ZNF676: variants seen among roughly 807,000 people sequenced by gnomAD.
ZNF676 encodes the protein zinc finger protein 676.
A neutral mutation model predicts 6.0 loss-of-function variants in ZNF676; 4 were observed. That is an observed-to-expected ratio of 0.67 (90% CI 0.33 to 1.53). The LOEUF is 1.53. Among genes scored for constraint, ZNF676 ranks in the 40% most tolerant of loss-of-function variants. ZNF676 has a pLI of 0.06. For synonymous variants in ZNF676, 198 were observed against 223.1 expected (o/e 0.89, Z 1.00); for missense variants, 644 against 679.7 (o/e 0.95, Z 0.58).
At chr19:22,249,759 CG>C in the ZNF676 span, among the ~76,000 whole-genome samples, 4 of 19,576 alleles carry the variant, frequency 2.0e-4, no homozygotes, top group East Asian at 2.7e-3. Context: ...ATAAGTACAA[CG>C]GGTTTTTTTT....
At chr19:22,234,700 G>A in the ZNF676 span, among the ~76,000 whole-genome samples, 26 of 152,088 alleles carry the variant, frequency 1.7e-4, no homozygotes, top group Admixed American at 5.9e-4. Flanking sequence ...TTGGGAAGCC[G>A]AGGCAAACAG....
At chr19:22,255,088 A>T in the ZNF676 span, among the ~76,000 whole-genome samples, 5 of 152,160 alleles carry the variant, frequency 3.3e-5, no homozygotes, top group Admixed American at 1.3e-4. Flanking sequence ...GGTGAACTGG[A>T]TCTGTGTATT....
rs1489786209 is a variant in ZNF676 at position 22,179,225 on chromosome 19, T to C, written c.*725A>G. ...GATTTCTCATTCATATGATTTCTTT[T>C]ATATTCAGAAAAGTCTGAGGTGTTG... On this transcript the variant is annotated 3_prime_UTR_variant, in exon 3 of 3. Coordinates refer to ENST00000397121, the MANE Select transcript of ZNF676 (RefSeq NM_001001411.3). 3.8e-5 allele frequency: 6 copies of C among 159,380 alleles called. No homozygotes were observed. The highest frequency in any genetic ancestry group is 7.2e-5 in the African/African-American group (3 of 41,490). The allele number at this position is 159,380 out of a possible 1,614,324, so 9.9% of individuals were successfully genotyped here.
upstream of ZNF676, among the ~76,000 whole-genome samples, chr19:22,216,462 G>A (rs1416359090): frequency 2.0e-5 from 3 of 151,444 alleles, no homozygotes. Flanking sequence ...AGAGTGAAAC[G>A]CCATCTCAAA....
the ZNF676 span, among the ~76,000 whole-genome samples, chr19:22,248,722 T>TTTTG: frequency 6.1e-3 from 931 of 152,172 alleles, 6 homozygotes; most frequent in African/African-American, 0.021. Context: ...CTTTGTGGTT[T>TTTTG]TTTGTTTGTT....
chr19:22,253,364 G>GTATATATATATA, the ZNF676 span, among the ~76,000 whole-genome samples: 1 of 51,842 alleles, frequency 1.9e-5, no homozygotes, highest in African/African-American at 6.9e-5. Context: ...GTGTGTGTGT[G>GTATATATATATA]TGTGTGTGTA....
At chr19:22,204,308 AATGT>A (rs929019544) in intron 1 of ZNF676, among the ~76,000 whole-genome samples, 3 of 152,344 alleles carry the variant, frequency 2.0e-5, no homozygotes, top group South Asian at 2.1e-4. Flanking sequence ...TACTAGTCAT[AATGT>A]ATGTAAGATT....
upstream of ZNF676, among the ~76,000 whole-genome samples, chr19:22,197,778 G>A (rs1268802455): frequency 1.3e-5 from 2 of 152,130 alleles, no homozygotes; most frequent in African/African-American, 4.8e-5. Context: ...AAAAAAATGT[G>A]TCAGAGAGCT....
intron 1 of ZNF676, among the ~76,000 whole-genome samples, chr19:22,204,469 T>G (rs900442857): frequency 6.6e-6 from 1 of 152,204 alleles, no homozygotes; most frequent in South Asian, 2.1e-4. Context: ...TTTACATGAA[T>G]GCAGGTTGTC....
At chr19:22,229,020 C>T in the ZNF676 span, among the ~76,000 whole-genome samples, 1 of 151,992 alleles carries the variant, frequency 6.6e-6, no homozygotes, top group South Asian at 2.1e-4. Flanking sequence ...CATATGGAAC[C>T]AAAAAAGAGT....
upstream of ZNF676, among the ~76,000 whole-genome samples, chr19:22,197,237 G>A (rs2023976746): frequency 1.3e-5 from 2 of 151,400 alleles, no homozygotes; most frequent in Non-Finnish European, 1.5e-5. Flanking sequence ...CAGGAGAATT[G>A]CTTGAACCCA....
chr19:22,219,717 A>G (rs2024228869), upstream of ZNF676, among the ~76,000 whole-genome samples: 1 of 151,368 alleles, frequency 6.6e-6, no homozygotes, highest in South Asian at 2.1e-4. Context: ...GTGCAATGTC[A>G]GGATCTCTGC....
Position 22,181,573 on chromosome 19 carries a change from A to G in ZNF676, c.144T>C (p.His48=), listed in dbSNP as rs201515483. Residue 48 remains histidine, a synonymous_variant, in exon 3 of 3, where the codon CAT becomes CAC. Coordinates refer to ENST00000397121, the MANE Select transcript of ZNF676 (RefSeq NM_001001411.3). The part of the protein sequence containing the change: ...MVEEPPVICS[H]FSQEFWPEQG... Reference sequence around the variant, plus strand: ...GCTCTGGCCAAAACTCTTGGGAAAAATGAGAACATATAACTGAAAAGAAAT... The same window carrying G: ...GCTCTGGCCAAAACTCTTGGGAAAAGTGAGAACATATAACTGAAAAGAAAT... The G allele has an allele frequency of 1.3e-4, 198 of 1,566,486 alleles. No individual in the cohort carries two copies. In the South Asian group the frequency reaches 1.3e-3, roughly 10 times the overall value.
chr19:22,220,545 C>T (rs528232656), upstream of ZNF676, among the ~76,000 whole-genome samples: 1 of 151,710 alleles, frequency 6.6e-6, no homozygotes, highest in South Asian at 2.1e-4. Context: ...GCAAACTTGC[C>T]TCCTGGGTTT....
chr19:22,205,549 T>G (rs1298974524), intron 1 of ZNF676, among the ~76,000 whole-genome samples: 3 of 152,156 alleles, frequency 2.0e-5, no homozygotes, highest in Non-Finnish European at 4.4e-5. Context: ...GGCCTACACT[T>G]GAATAACTTT....
At chr19:22,202,341 C>T (rs1421363863) in intron 1 of ZNF676, among the ~76,000 whole-genome samples, 3 of 152,166 alleles carry the variant, frequency 2.0e-5, no homozygotes, top group African/African-American at 7.2e-5. Context: ...GTTCTAGCCT[C>T]TCTAAAAGTG....
rs1161119997 is a variant in ZNF676 at position 22,215,651 on chromosome 19, G to T, written c.-17C>A. On this transcript the variant is annotated 5_prime_UTR_variant, in exon 1 of 4. Transcript: ENST00000650058. ...ACTCACCATTTCTAGGCTTCCAGGG[G>T]GTCCTGGCGACTTAGTTGTGGATCT... 7.5e-6 allele frequency: 12 copies of T among 1,610,026 alleles called. No individual in the cohort carries two copies. The African/African-American group carries it at 1.2e-4, about 16-fold the overall frequency.
chr19:22,228,997 C>T, the ZNF676 span, among the ~76,000 whole-genome samples: 2 of 152,262 alleles, frequency 1.3e-5, no homozygotes, highest in African/African-American at 4.8e-5. Context: ...TTGGAAAAAA[C>T]TACTTTAAAT....
chr19:22,182,668 GAAAAA>G (rs55861617), intron 2 of ZNF676, among the ~76,000 whole-genome samples: 3 of 132,308 alleles, frequency 2.3e-5, no homozygotes, highest in Non-Finnish European at 4.8e-5. Context: ...CTGCCTAAAA[GAAAAA>G]AAAAAAAAGA....
Sources: allele counts gnomAD v4.1 joint callset (sites outside exome capture counted in the v4.1 genomes callset), GRCh38; gene constraint gnomAD v4.1.1; transcripts MANE v1.5; gene names NCBI Gene and HGNC (gene_info 2026-07-23, HGNC 2026-07-21).